The following RASA3 variants were observed in gnomAD, a reference collection of about 807,000 sequenced individuals.
The protein encoded by RASA3 is RAS p21 protein activator 3.
In RASA3, 73 loss-of-function variants were observed where a neutral mutation model predicts 110.0. That is an observed-to-expected ratio of 0.66 (90% CI 0.55 to 0.81). The LOEUF (loss-of-function observed/expected upper bound fraction) is 0.81. RASA3 is among the 30% of genes least tolerant of loss of function. The pLI is 0.00. For synonymous variants in RASA3, 500 were observed against 451.4 expected (o/e 1.11, Z -1.37); for missense variants, 976 against 1,113.2 (o/e 0.88, Z 1.75).
At chr13:114,000,329 C>A (rs1014409354) in intron 19 of RASA3, among the ~76,000 whole-genome samples, 2 of 152,092 alleles carry the variant, frequency 1.3e-5, no homozygotes, top group African/African-American at 4.8e-5. Flanking sequence ...CCAGGCTGGG[C>A]CCAATGCTCG....
chr13:114,037,914 G>A (rs534615977), intron 4 of RASA3, among the ~76,000 whole-genome samples: 9 of 151,884 alleles, frequency 5.9e-5, no homozygotes, highest in South Asian at 2.1e-4. Context: ...CCGTCCGTTC[G>A]GGGGAGCCGG....
chr13:114,069,282 G>C (rs1007541617), intron 2 of RASA3, among the ~76,000 whole-genome samples: 1 of 151,912 alleles, frequency 6.6e-6, no homozygotes, highest in Non-Finnish European at 1.5e-5. Flanking sequence ...GCTCCTGCCC[G>C]GCTGCAGACC....
Position 114,132,415 on chromosome 13 carries a change from G to A in RASA3, c.55+20C>T, listed in dbSNP as rs535114882. 2 of 1,512,282 alleles carry A rather than the reference G, an allele frequency of 1.3e-6. No individual in the cohort carries two copies. Among genetic ancestry groups the A allele is most frequent in the Admixed American group, 4.2e-5 (2 of 48,144 alleles). The allele number at this position is 1,512,282 out of a possible 1,614,324, so 93.7% of individuals were successfully genotyped here. A position where few individuals can be genotyped will look rare whatever the true frequency, so the allele number is the denominator to read the frequency against. ...GGTCGGGCCGGGGGGTCGGACGCGT[G>A]GCTGCCGGCGGACACTCACCGATCT... is the stretch of plus-strand genomic sequence containing the variant. On this transcript the variant is annotated intron_variant, in intron 1 of 23. Coordinates refer to ENST00000334062, the MANE Select transcript of RASA3 (RefSeq NM_007368.4).
In RASA3 at chr13:114,030,508, A is replaced by G. The variant is rs143003074; in HGVS notation, c.373-621T>C. Among the ~76,000 whole-genome samples, 360 of 100,672 alleles carry G rather than the reference A, an allele frequency of 3.6e-3. 13 individuals are homozygous for G. The highest frequency in any genetic ancestry group is 0.013 in the African/African-American group (345 of 26,908). 66.0% of individuals were successfully genotyped at this position (100,672 alleles called of 152,430 possible). A position where few individuals can be genotyped will look rare whatever the true frequency, so the allele number is the denominator to read the frequency against. The stretch of plus-strand genomic sequence containing the variant: ...GGGCAAGACTCACACAGAGGGCAAG[A>G]CTCACACAGAGAGCAAGACTCACAC... On this transcript the variant is annotated intron_variant, in intron 4 of 23. Transcript: ENST00000334062.
At position 114,021,516 on chromosome 13, in the gene RASA3, A is replaced by C; in HGVS notation, c.681-8T>G. 1 of 1,612,276 alleles carries C rather than the reference A, an allele frequency of 6.2e-7. No homozygotes were observed. The highest frequency in any genetic ancestry group is 8.5e-7 in the Non-Finnish European group (1 of 1,178,668). On this transcript the variant is annotated splice_polypyrimidine_tract_variant and splice_region_variant and intron_variant, in intron 8 of 23. Transcript: ENST00000334062. ...GCATTCCAGAGGTCAACTCTGAAAA[A>C]CAGCATCAGGACAGCTCTAGCTGAC...
intron 4 of RASA3, among the ~76,000 whole-genome samples, chr13:114,031,217 G>T (rs577494721): frequency 6.6e-6 from 1 of 151,496 alleles, no homozygotes; most frequent in East Asian, 2.0e-4. Flanking sequence ...GCGTGCGATT[G>T]TGTGTGCGTG....
intron 6 of RASA3, 141 bp from the exon 7 acceptor site, chr13:114,027,602 C>T (rs1213324345): frequency 1.3e-6 from 1 of 774,796 alleles, no homozygotes; most frequent in Non-Finnish European, 2.1e-6. Flanking sequence ...TCTCCAACTC[C>T]AGATGGTATG....
chr13:114,039,477 G>A (rs755474951), intron 4 of RASA3, among the ~76,000 whole-genome samples: 3 of 151,950 alleles, frequency 2.0e-5, no homozygotes, highest in Non-Finnish European at 4.4e-5. Context: ...AAGCCGTCCG[G>A]TGTCCCAGGG....
chr13:114,110,990 T>TAA (rs534002547), intron 1 of RASA3, among the ~76,000 whole-genome samples: 1 of 130,734 alleles, frequency 7.6e-6, no homozygotes, highest in Non-Finnish European at 1.7e-5. Context: ...CTGCTCAAAG[T>TAA]AAAAAAAAAA....
chr13:114,038,336 G>A (rs1244500606), intron 4 of RASA3, among the ~76,000 whole-genome samples: 1 of 152,388 alleles, frequency 6.6e-6, no homozygotes, highest in Admixed American at 6.5e-5. Flanking sequence ...GCCAAGGTCC[G>A]TGGGAGCAGC....
At chr13:114,009,097 G>A (rs2053576167) in intron 17 of RASA3, among the ~76,000 whole-genome samples, 1 of 152,236 alleles carries the variant, frequency 6.6e-6, no homozygotes, top group Non-Finnish European at 1.5e-5. Flanking sequence ...CACACACACT[G>A]AGGTGGGACG....
In RASA3 at chr13:114,014,659, G is replaced by A. The variant is rs1401583226; in HGVS notation, c.1405+550C>T. On this transcript the variant is annotated intron_variant, in intron 14 of 23. Coordinates refer to ENST00000334062, the MANE Select transcript of RASA3 (RefSeq NM_007368.4). The surrounding 1 kb of genome is among the most constrained non-coding windows in gnomAD (Gnocchi z 4.5). ...CGGCAAGGTTGAGAAGTGGGGTTTGGGTGCTGGATGCCCAGGTCCCTAGGG... is the reference window on the plus strand; with the variant it reads ...CGGCAAGGTTGAGAAGTGGGGTTTGAGTGCTGGATGCCCAGGTCCCTAGGG... 1.3e-5 allele frequency among the ~76,000 whole-genome samples: 2 copies of A among 152,142 alleles called. No individual in the cohort carries two copies. The highest frequency in any genetic ancestry group is 2.9e-5 in the Non-Finnish European group (2 of 68,002).
chr13:113,991,421 G>T (rs1313095680), intron 22 of RASA3, among the ~76,000 whole-genome samples: 2 of 152,164 alleles, frequency 1.3e-5, no homozygotes, highest in African/African-American at 2.4e-5. Context: ...GGCACATTCC[G>T]CTCTATTTCC....
At chr13:114,012,277 A>G (rs2139246043) in intron 15 of RASA3, among the ~76,000 whole-genome samples, 1 of 151,936 alleles carries the variant, frequency 6.6e-6, no homozygotes, top group East Asian at 1.9e-4. Context: ...ACCACCTGCA[A>G]CGAGGACGTT....
intron 19 of RASA3, among the ~76,000 whole-genome samples, chr13:114,000,356 G>C (rs191961105): frequency 6.6e-6 from 1 of 152,108 alleles, no homozygotes; most frequent in African/African-American, 2.4e-5. Context: ...CACAGCTGCC[G>C]TGGCCTCAGG....
intron 16 of RASA3, among the ~76,000 whole-genome samples, chr13:114,010,122 GGTCGGTGCAC>G (rs1868345754): frequency 6.6e-6 from 1 of 152,222 alleles, no homozygotes; most frequent in Admixed American, 6.5e-5. Context: ...GGGAAAGAGC[GGTCGGTGCAC>G]CTCGGCCTGC....
At position 114,065,985 on chromosome 13, in the gene RASA3, G is replaced by A. The variant is rs900999623; in HGVS notation, c.173+7735C>T. On this transcript the variant is annotated intron_variant, in intron 2 of 23. Transcript: ENST00000334062. The surrounding 1 kb of genome is among the most constrained non-coding windows in gnomAD (Gnocchi z 4.1). ...CCGTGGTGAGCCACCTCACCTCCCC[G>A]AGCCTCAGTCTCCCCATCTGTTCAG... Among the ~76,000 whole-genome samples the A allele has an allele frequency of 2.0e-4, 31 of 152,034 alleles. No homozygotes were observed. Among genetic ancestry groups the A allele is most frequent in the African/African-American group, 7.2e-4 (30 of 41,398 alleles).
At chr13:114,034,868 G>A (rs545184866) in intron 4 of RASA3, among the ~76,000 whole-genome samples, 33 of 152,352 alleles carry the variant, frequency 2.2e-4, no homozygotes, top group Non-Finnish European at 3.5e-4. Context: ...CGGCCACACA[G>A]ACTAGAGCAG....
At chr13:114,126,585 A>G (rs924931401) in intron 1 of RASA3, among the ~76,000 whole-genome samples, 19 of 152,234 alleles carry the variant, frequency 1.2e-4, no homozygotes, top group African/African-American at 4.6e-4. Context: ...CCACCTCTCC[A>G]GAGTGTGAGC....
Sources: gnomAD v4.1 joint callset for allele counts (sites outside exome capture counted in the v4.1 genomes callset) on GRCh38, gnomAD v4.1.1 for gene constraint, Gnocchi (gnomAD v3.1) non-coding constraint, MANE v1.5 for transcripts, NCBI Gene and HGNC (gene_info 2026-07-23, HGNC 2026-07-21) for gene names.